The following FNIP2 variants were observed in gnomAD, a reference collection of about 807,000 sequenced individuals.
The protein encoded by FNIP2 is folliculin-interacting protein 2.
FNIP2 carries 32 observed loss-of-function variants against 108.7 expected under a neutral mutation model. The ratio of observed to expected loss-of-function variants is 0.29; its 90% confidence interval spans 0.22 to 0.40. The LOEUF is 0.40. Among genes scored for constraint, FNIP2 ranks in the 10% least tolerant of loss-of-function variants. The probability of loss-of-function intolerance (pLI) is 1.00; values close to 1 mark genes in which losing one functional copy is unlikely to be tolerated. For missense variants in FNIP2, 1,202 were observed against 1,381.6 expected, an observed-to-expected ratio of 0.87 and a Z score of 2.06; for synonymous variants, 480 against 496.7, an observed-to-expected ratio of 0.97 and a Z score of 0.45.
chr4:158,883,252 GT>G (rs1240473426), intron 14 of FNIP2, among the ~76,000 whole-genome samples: 1 of 143,848 alleles, frequency 7.0e-6, no homozygotes, highest in Non-Finnish European at 1.6e-5. Context: ...TGTTTTTTTT[GT>G]TTTTTTGAGA....
At chr4:158,865,186 A>G (rs1034429657) in intron 12 of FNIP2, among the ~76,000 whole-genome samples, 1 of 152,210 alleles carries the variant, frequency 6.6e-6, no homozygotes, top group African/African-American at 2.4e-5. Context: ...GGTAAAAAGC[A>G]TATAACAACA....
intron 16 of FNIP2, among the ~76,000 whole-genome samples, chr4:158,901,258 G>C (rs752361015): frequency 1.2e-4 from 18 of 150,928 alleles, no homozygotes; most frequent in Non-Finnish European, 2.9e-5. Flanking sequence ...TCAGCGTCCA[G>C]AGTAGCTGGG....
rs766524298 is a variant in FNIP2, at chr4:158,833,566, A to C, written c.593A>C (p.Asn198Thr). 8.7e-6 allele frequency: 14 copies of C among 1,609,502 alleles called. No homozygotes were observed. Among genetic ancestry groups the C allele is most frequent in the Non-Finnish European group, 1.1e-5 (13 of 1,178,756 alleles). Residue 198 changes from asparagine (N) to threonine (T), a missense_variant, in exon 6 of 17, where the codon AAT (asparagine) becomes ACT (threonine). Around this residue, in one of 5 missense-constraint regions of FNIP2, gnomAD observed 878 missense variants for 990.3 expected, o/e 0.89. Transcript: ENST00000264433. ...DSFEYINQDP[N>T]LGKLNTNQNS... ...TTTGAGTACATCAACCAAGATCCTAATTTGGGAAAACTGAACACAAATCAA... is the reference window on the plus strand; with the variant it reads ...TTTGAGTACATCAACCAAGATCCTACTTTGGGAAAACTGAACACAAATCAA...
At chr4:158,851,288 C>G (rs775883898) in intron 7 of FNIP2, 33 bp from the exon 8 acceptor site, 7 of 1,612,680 alleles carry the variant, frequency 4.3e-6, no homozygotes, top group Non-Finnish European at 5.1e-6. Context: ...GACTAATTGA[C>G]CTCAACTTTC....
chr4:158,819,985 T>C (rs1487473072), intron 1 of FNIP2, among the ~76,000 whole-genome samples: 1 of 152,230 alleles, frequency 6.6e-6, no homozygotes, highest in East Asian at 1.9e-4. Context: ...AGCAGGGTTA[T>C]GGTTTGCTCA....
chr4:158,798,663 C>G (rs940417044), intron 1 of FNIP2, among the ~76,000 whole-genome samples: 1 of 152,182 alleles, frequency 6.6e-6, no homozygotes, highest in Non-Finnish European at 1.5e-5. Context: ...AGTTTTAAGT[C>G]TTTAGATAGC....
chr4:158,802,559 A>G (rs1372763806), intron 1 of FNIP2, among the ~76,000 whole-genome samples: 5 of 152,210 alleles, frequency 3.3e-5, no homozygotes, highest in East Asian at 3.8e-4. Flanking sequence ...ATTACATATC[A>G]TGATCATTGC....
At chr4:158,830,701 G>A (rs1421282586) in intron 3 of FNIP2, among the ~76,000 whole-genome samples, 2 of 152,210 alleles carry the variant, frequency 1.3e-5, no homozygotes, top group East Asian at 3.8e-4. Flanking sequence ...GTATGTTAAG[G>A]GTGATTCCCA....
chr4:158,904,477 A>G lies in FNIP2; in HGVS notation c.3278A>G (p.Asn1093Ser). 4 of 1,613,222 alleles carry G rather than the reference A, an allele frequency of 2.5e-6. No homozygotes were observed. The highest frequency in any genetic ancestry group is 3.4e-6 in the Non-Finnish European group (4 of 1,179,700). ...TTCTCAATATTCAGGATTGAATCCA[A>G]CGACCTGCCTCTGTTGACTGCTATT... ...ELGVVLGIES[N>S]DLPLLTAIAS... Residue 1093 changes from asparagine to serine, a missense_variant, in exon 17 of 17, where the codon AAC (asparagine) becomes AGC (serine). Asn to Ser is a conservative substitution (Grantham distance 46). This residue lies in a region of FNIP2 where 142 missense variants were observed against 183.8 expected (regional missense o/e 0.77). Coordinates refer to ENST00000264433, the MANE Select transcript of FNIP2 (RefSeq NM_020840.3).
Position 158,861,730 on chromosome 4 carries a change from C to T in FNIP2, c.1419C>T (p.Asn473=), listed in dbSNP as rs749682967. 6.2e-7 allele frequency: 1 copy of T among 1,614,046 alleles called. No individual in the cohort carries two copies. The highest frequency in any genetic ancestry group is 8.5e-7 in the Non-Finnish European group (1 of 1,179,904). Residue 473 remains asparagine (N), a synonymous_variant, in exon 12 of 17, where the codon AAC becomes AAT. Transcript: ENST00000264433. ...FSEKRTSQSV[N]MLAKTHPYNP... ...AGAAACGTACCTCCCAGTCAGTGAACATGCTGGCCAAAACACATCCGTATA... is the reference window on the plus strand; with the variant it reads ...AGAAACGTACCTCCCAGTCAGTGAATATGCTGGCCAAAACACATCCGTATA...
intron 3 of FNIP2, among the ~76,000 whole-genome samples, chr4:158,830,119 G>A (rs1359884068): frequency 1.3e-5 from 2 of 152,064 alleles, no homozygotes; most frequent in Non-Finnish European, 2.9e-5. Context: ...AATGAAGGAG[G>A]TGGGTGGAAG....
At chr4:158,903,930 C>A (rs975153811) in intron 16 of FNIP2, among the ~76,000 whole-genome samples, 1 of 152,162 alleles carries the variant, frequency 6.6e-6, no homozygotes, top group African/African-American at 2.4e-5. Context: ...AACCCAGTAC[C>A]TTTTAGTGTC....
chr4:158,824,250 G>A (rs1236579960), intron 1 of FNIP2, among the ~76,000 whole-genome samples: 1 of 152,238 alleles, frequency 6.6e-6, no homozygotes, highest in Non-Finnish European at 1.5e-5. Context: ...GGACAGCTTT[G>A]TGAGGGCAGC....
In FNIP2 at chr4:158,791,266, CTTTTTTTTTTTTTT is replaced by C. The variant is rs199714823; in HGVS notation, c.107+21963_107+21976del. 6.0e-3 allele frequency among the ~76,000 whole-genome samples: 589 copies of C among 98,114 alleles called. 6 individuals carry two copies. The highest frequency in any genetic ancestry group is 0.022 in the African/African-American group (554 of 24,968). The allele number at this position is 98,114 out of a possible 152,430, so 64.4% of individuals were successfully genotyped here. On this transcript the variant is annotated intron_variant, in intron 1 of 16. Transcript: ENST00000264433. ...AGATGTTCCTTCTGCACTGAGGATC[CTTTTTTTTTTTTTT>C]TTTTTTTTTTTTTTTCTTTTTGAGA...
In FNIP2 at chr4:158,905,245, C is replaced by T. The variant is rs1307401933; in HGVS notation, c.*701C>T. 1 of 152,216 alleles carries T rather than the reference C, an allele frequency of 6.6e-6. No individual in the cohort carries two copies. Among genetic ancestry groups the T allele is most frequent in the African/African-American group, 2.4e-5 (1 of 41,442 alleles). The allele number at this position is 152,216 out of a possible 1,614,324, so 9.4% of individuals were successfully genotyped here. On this transcript the variant is annotated 3_prime_UTR_variant, in exon 17 of 17. Coordinates refer to ENST00000264433, the MANE Select transcript of FNIP2 (RefSeq NM_020840.3). The stretch of plus-strand genomic sequence containing the variant: ...AGATGGATTGTTGGTGCAATAAACC[C>T]AAGAATCAATGTAGCCTCTTAATCC...
At chr4:158,881,057 T>G (rs1781561103) in intron 14 of FNIP2, among the ~76,000 whole-genome samples, 2 of 152,208 alleles carry the variant, frequency 1.3e-5, no homozygotes, top group Non-Finnish European at 2.9e-5. Flanking sequence ...TGTGGAAAGG[T>G]ATTTTGTCAT....
chr4:158,864,447 C>T (rs1046249121), intron 12 of FNIP2, among the ~76,000 whole-genome samples: 4 of 152,188 alleles, frequency 2.6e-5, no homozygotes, highest in African/African-American at 9.7e-5. Flanking sequence ...TAAGGAGACA[C>T]TGTTGAAAGG....
intron 1 of FNIP2, among the ~76,000 whole-genome samples, chr4:158,816,693 G>C (rs981331471): frequency 6.6e-6 from 1 of 151,662 alleles, no homozygotes; most frequent in African/African-American, 2.4e-5. Context: ...GCTGAGGCAG[G>C]AGAATCGCAT....
chr4:158,859,535 A>C, intron 9 of FNIP2, 43 bp from the exon 10 acceptor site: 7 of 1,520,082 alleles, frequency 4.6e-6, no homozygotes, highest in Non-Finnish European at 6.3e-6. Context: ...ATAAGTTATA[A>C]AATTTCTTCT....
Sources: allele counts gnomAD v4.1 joint callset (sites outside exome capture counted in the v4.1 genomes callset), GRCh38; gene constraint gnomAD v4.1.1; regional missense constraint gnomAD v4.1.1; transcripts MANE v1.5; gene names NCBI Gene and HGNC (gene_info 2026-07-23, HGNC 2026-07-21).